SPMIP11: variants seen among roughly 807,000 people sequenced by gnomAD.
SPMIP11 encodes the protein sperm microtubule inner protein 11, also known as long intergenic non-protein coding RNA 935.
the SPMIP11 span, among the ~76,000 whole-genome samples, chr12:48,752,317 A>T: frequency 2.0e-5 from 3 of 152,300 alleles, no homozygotes; most frequent in Non-Finnish European, 4.4e-5. Context: ...TAACCATAAG[A>T]TTCCTTGAGG....
chr12:48,745,966 G>A, the SPMIP11 span, among the ~76,000 whole-genome samples: 2 of 152,052 alleles, frequency 1.3e-5, no homozygotes, highest in Admixed American at 6.6e-5. Flanking sequence ...TCTAAGTAAA[G>A]CACCAAGCCA....
chr12:48,760,097 A>G, the SPMIP11 span, among the ~76,000 whole-genome samples: 25 of 150,926 alleles, frequency 1.7e-4, no homozygotes, highest in Middle Eastern at 0.014. Context: ...ATGCCCATCA[A>G]TGAAATGAAA....
chr12:48,752,080 C>CAAAAAAAAAAAAAAAAAA, the SPMIP11 span, among the ~76,000 whole-genome samples: 1 of 132,656 alleles, frequency 7.5e-6, no homozygotes, highest in Non-Finnish European at 1.5e-5. Flanking sequence ...AAAAAAAAAA[C>CAAAAAAAAAAAAAAAAAA]AAACAAACAA....
chr12:48,747,668 T>C, the SPMIP11 span, among the ~76,000 whole-genome samples: 2 of 151,982 alleles, frequency 1.3e-5, no homozygotes, highest in African/African-American at 4.8e-5. Flanking sequence ...TCTGCCAAGT[T>C]TGGCTACCCT....
At chr12:48,757,761 A>C in the SPMIP11 span, among the ~76,000 whole-genome samples, 1 of 151,896 alleles carries the variant, frequency 6.6e-6, no homozygotes, top group Non-Finnish European at 1.5e-5. Flanking sequence ...TGGGAGGCCG[A>C]GGCAGGAGGA....
chr12:48,762,053 T>C, the SPMIP11 span, among the ~76,000 whole-genome samples: 3 of 126,822 alleles, frequency 2.4e-5, no homozygotes, highest in African/African-American at 9.2e-5. Flanking sequence ...CATTCTTTTT[T>C]TTTTTTTTTT....
At chr12:48,735,073 G>T in the SPMIP11 span, among the ~76,000 whole-genome samples, 1 of 150,890 alleles carries the variant, frequency 6.6e-6, no homozygotes, top group African/African-American at 2.4e-5. Flanking sequence ...AGGAATGCAA[G>T]CGGCCTTTAG....
At chr12:48,742,280 T>TTC in the SPMIP11 span, among the ~76,000 whole-genome samples, 47 of 131,880 alleles carry the variant, frequency 3.6e-4, 2 homozygotes, top group African/African-American at 1.1e-3. Flanking sequence ...TTCTTTTCCT[T>TTC]TTTTTTTTTT....
chr12:48,760,566 G>A, the SPMIP11 span, among the ~76,000 whole-genome samples: 4 of 149,530 alleles, frequency 2.7e-5, no homozygotes, highest in Admixed American at 6.7e-5. Flanking sequence ...TCACTCTATC[G>A]CCCAGGCTGT....
chr12:48,749,890 AC>A, the SPMIP11 span, among the ~76,000 whole-genome samples: 33 of 151,254 alleles, frequency 2.2e-4, no homozygotes, highest in African/African-American at 7.5e-4. Context: ...ATGGGGTTTC[AC>A]CGTGTTAGCC....
the SPMIP11 span, among the ~76,000 whole-genome samples, chr12:48,730,183 C>T: frequency 6.6e-6 from 1 of 152,152 alleles, no homozygotes; most frequent in East Asian, 1.9e-4. Context: ...CCAAAGAGGC[C>T]TGGGCATCAT....
the SPMIP11 span, among the ~76,000 whole-genome samples, chr12:48,759,734 A>G: frequency 1.3e-5 from 2 of 152,064 alleles, no homozygotes; most frequent in African/African-American, 4.8e-5. Context: ...AGAAAAAAAA[A>G]GAGCCAAGAG....
the SPMIP11 span, among the ~76,000 whole-genome samples, chr12:48,760,231 T>C: frequency 6.6e-6 from 1 of 152,208 alleles, no homozygotes; most frequent in East Asian, 1.9e-4. Flanking sequence ...TGGAGTGCAG[T>C]GCTGCAATCA....
chr12:48,744,743 G>A, the SPMIP11 span, among the ~76,000 whole-genome samples: 8 of 145,276 alleles, frequency 5.5e-5, no homozygotes, highest in East Asian at 4.2e-4. Flanking sequence ...TAATAATAAA[G>A]AAGAAGAAGA....
the SPMIP11 span, chr12:48,768,223 C>G: frequency 2.9e-6 from 1 of 345,904 alleles, no homozygotes; most frequent in South Asian, 3.0e-5. Context: ...AGCCCTGAAC[C>G]TGCTGCCCAG....
At chr12:48,760,374 T>C in the SPMIP11 span, among the ~76,000 whole-genome samples, 4 of 150,954 alleles carry the variant, frequency 2.6e-5, no homozygotes, top group Admixed American at 2.6e-4. Flanking sequence ...GAGGGAGTCA[T>C]GCTATGTTGT....
chr12:48,741,409 G>T, the SPMIP11 span, among the ~76,000 whole-genome samples: 14 of 152,074 alleles, frequency 9.2e-5, no homozygotes, highest in South Asian at 2.9e-3. Context: ...TCCATAATTT[G>T]GATTTTTCTG....
At chr12:48,731,068 T>C in the SPMIP11 span, among the ~76,000 whole-genome samples, 1 of 152,256 alleles carries the variant, frequency 6.6e-6, no homozygotes, top group Non-Finnish European at 1.5e-5. Flanking sequence ...AAACACATTA[T>C]TTATGAGGAC....
chr12:48,735,249 T>C, the SPMIP11 span, among the ~76,000 whole-genome samples: 23 of 152,168 alleles, frequency 1.5e-4, no homozygotes, highest in African/African-American at 5.6e-4. Context: ...TGTGATACTC[T>C]AAGCAGAGAA....
Sources: allele counts gnomAD v4.1 joint callset (sites outside exome capture counted in the v4.1 genomes callset), GRCh38; gene constraint gnomAD v4.1.1; transcripts MANE v1.5; gene names NCBI Gene and HGNC (gene_info 2026-07-23, HGNC 2026-07-21).